PCDHGB6: variants seen among roughly 807,000 people sequenced by gnomAD.
PCDHGB6 encodes protocadherin gamma subfamily B, 6, also known as protocadherin gamma-B6.
Under a neutral mutation model 59.1 loss-of-function variants are expected in PCDHGB6, and 51 were observed. That is an observed-to-expected ratio of 0.86 (90% CI 0.69 to 1.09). The LOEUF (loss-of-function observed/expected upper bound fraction) is 1.09, where lower values mean the gene tolerates loss of function less well. Ranked by LOEUF, PCDHGB6 falls within the 50% of genes least tolerant of loss-of-function variation. PCDHGB6 has a pLI of 0.00. For missense variants in PCDHGB6, 1,148 were observed against 1,205.1 expected, an observed-to-expected ratio of 0.95 and a Z score of 0.70; for synonymous variants, 466 against 495.1, an observed-to-expected ratio of 0.94 and a Z score of 0.78.
Position 141,486,914 on chromosome 5 carries a change from C to T in PCDHGB6, c.2419-7893C>T, listed in dbSNP as rs1469857080. On this transcript the variant is annotated intron_variant, in intron 1 of 3. Coordinates refer to ENST00000520790, the MANE Select transcript of PCDHGB6 (RefSeq NM_018926.3). This position sits in a 1 kb window ranked among gnomAD's most constrained non-coding sequence, Gnocchi z 5.0. ...TGGTTCCTTATGTCCCCAAGCACTG[C>T]CTCCATCAGTTGGTGCTGGCCACCT... The T allele has an allele frequency of 6.2e-7, 1 of 1,614,236 alleles. No individual in the cohort carries two copies.
intron 1 of PCDHGB6, among the ~76,000 whole-genome samples, chr5:141,429,780 A>G (rs1301908729): frequency 1.3e-5 from 2 of 152,222 alleles, no homozygotes; most frequent in Non-Finnish European, 2.9e-5. Flanking sequence ...ATGGGCTTCC[A>G]AAAGTATTAC....
intron 1 of PCDHGB6, chr5:141,421,183 A>G (rs1286755310): frequency 2.7e-6 from 4 of 1,457,360 alleles, no homozygotes; most frequent in Admixed American, 4.8e-5. Flanking sequence ...CCGATTCACA[A>G]CCAACCAGCT....
chr5:141,497,060 G>A (rs1244885752), intron 2 of PCDHGB6, among the ~76,000 whole-genome samples: 1 of 151,952 alleles, frequency 6.6e-6, no homozygotes, highest in African/African-American at 2.4e-5. Context: ...GTGGTGGCAG[G>A]CACCTGTAAT....
intron 2 of PCDHGB6, among the ~76,000 whole-genome samples, chr5:141,500,775 T>C (rs1251282826): frequency 6.6e-6 from 1 of 152,218 alleles, no homozygotes; most frequent in Non-Finnish European, 1.5e-5. Context: ...CTTATGAATA[T>C]ACATATTATT....
Position 141,489,897 on chromosome 5 carries a change from C to G in PCDHGB6, c.2419-4910C>G. ...TGCTTACTGCTGTGGATGGGGGGAC[C>G]CCAGCCCGCTCAGGGACCACCCTTA... is the stretch of plus-strand genomic sequence containing the variant. On this transcript the variant is annotated intron_variant, in intron 1 of 3. Transcript: ENST00000520790. This position sits in a 1 kb window ranked among gnomAD's most constrained non-coding sequence, Gnocchi z 4.5. 1 of 1,614,162 alleles carries G rather than the reference C, an allele frequency of 6.2e-7. No individual in the cohort carries two copies. Among genetic ancestry groups the G allele is most frequent in the Non-Finnish European group, 8.5e-7 (1 of 1,180,016 alleles).
intron 1 of PCDHGB6, among the ~76,000 whole-genome samples, chr5:141,450,006 CTTTTT>C (rs1554136305): frequency 1.5e-5 from 2 of 132,980 alleles, no homozygotes; most frequent in African/African-American, 2.8e-5. Flanking sequence ...TGCCATGTCT[CTTTTT>C]TTTTTTTTTT....
intron 1 of PCDHGB6, chr5:141,441,550 G>C (rs2098254247): frequency 5.4e-6 from 1 of 184,034 alleles, no homozygotes; most frequent in Non-Finnish European, 1.1e-5. Context: ...AGCCTCCATA[G>C]TGTGCAAGTA....
chr5:141,409,404 A>T lies in PCDHGB6; in HGVS notation c.1202A>T (p.Tyr401Phe). Residue 401 changes from tyrosine (Y) to phenylalanine (F), a missense_variant, in exon 1 of 4, where the codon TAC becomes TTC. Tyr to Phe is a conservative substitution (Grantham distance 22). Transcript: ENST00000520790. ...AAGATTTATTCTTCTTCCAATAACTACTACAAACTGGTGACAGATGGAGCC... is the reference window on the plus strand; with the variant it reads ...AAGATTTATTCTTCTTCCAATAACTTCTACAAACTGGTGACAGATGGAGCC... Reference protein sequence around the residue: ...PFKIYSSSNNYYKLVTDGALD... With the variant: ...PFKIYSSSNNFYKLVTDGALD... The T allele has an allele frequency of 5.0e-6, 8 of 1,614,046 alleles. No individual in the cohort carries two copies. The highest frequency in any genetic ancestry group is 6.8e-6 in the Non-Finnish European group (8 of 1,179,900).
chr5:141,435,290 A>G (rs2097756551), intron 1 of PCDHGB6, among the ~76,000 whole-genome samples: 1 of 152,158 alleles, frequency 6.6e-6, no homozygotes, highest in African/African-American at 2.4e-5. Context: ...ATCCCAAGTC[A>G]TTTCATGGTT....
Position 141,493,876 on chromosome 5 carries a change from G to T in PCDHGB6, c.2419-931G>T, listed in dbSNP as rs2099750541. 6.6e-6 allele frequency among the ~76,000 whole-genome samples: 1 copy of T among 152,194 alleles called. No homozygotes were observed. ...CAGCCCACCCCAGAACCAGTGAGGA[G>T]GTGGCTCTAGGAGTGCTCCATGAGA... On this transcript the variant is annotated intron_variant, in intron 1 of 3. Transcript: ENST00000520790. The surrounding 1 kb of genome is among the most constrained non-coding windows in gnomAD (Gnocchi z 4.3).
In PCDHGB6 at chr5:141,511,224, G is replaced by T. The variant is rs752401867; in HGVS notation, c.*51G>T. On this transcript the variant is annotated 3_prime_UTR_variant, in exon 4 of 4. Coordinates refer to ENST00000520790, the MANE Select transcript of PCDHGB6 (RefSeq NM_018926.3). ...GGGCGGCCTCTCCCCAACCAGCCCA[G>T]CTTCTCCTTACCTGCACCCAGGCCT... is the stretch of plus-strand genomic sequence containing the variant. 44 of 1,603,158 alleles carry T rather than the reference G, an allele frequency of 2.7e-5. No individual in the cohort carries two copies. Among genetic ancestry groups the T allele is most frequent in the Non-Finnish European group, 3.6e-5 (42 of 1,174,924 alleles).
At chr5:141,458,728 T>A (rs1010109573) in intron 1 of PCDHGB6, among the ~76,000 whole-genome samples, 1 of 151,870 alleles carries the variant, frequency 6.6e-6, no homozygotes, top group Non-Finnish European at 1.5e-5. Context: ...CGCCACCACA[T>A]CCAGCTATTG....
At chr5:141,475,996 G>T (rs2099383729) in intron 1 of PCDHGB6, 4 of 1,181,402 alleles carry the variant, frequency 3.4e-6, no homozygotes, top group Non-Finnish European at 3.5e-6. Flanking sequence ...GCAAATCAAC[G>T]GCATCCAGAA....
intron 1 of PCDHGB6, chr5:141,415,748 T>A: frequency 9.9e-7 from 1 of 1,008,964 alleles, no homozygotes; most frequent in Non-Finnish European, 1.2e-6. Context: ...AGGTTTTTTT[T>A]TTTTTTTTTT....
chr5:141,408,121 T>C lies in PCDHGB6; in HGVS notation c.-82T>C. 6.8e-7 allele frequency: 1 copy of C among 1,475,406 alleles called. No homozygotes were observed. The highest frequency in any genetic ancestry group is 1.4e-5 in the South Asian group (1 of 71,822). 91.4% of individuals were successfully genotyped at this position (1,475,406 alleles called of 1,614,324 possible). On this transcript the variant is annotated 5_prime_UTR_variant, in exon 1 of 4. Coordinates refer to ENST00000520790, the MANE Select transcript of PCDHGB6 (RefSeq NM_018926.3). ...CCGAGACCCGGGACTCCTCCTGTCCTGGGCCGAATGCTCTTTTAGCGCGGT... is the reference window on the plus strand; with the variant it reads ...CCGAGACCCGGGACTCCTCCTGTCCCGGGCCGAATGCTCTTTTAGCGCGGT...
intron 1 of PCDHGB6, among the ~76,000 whole-genome samples, chr5:141,472,792 C>A (rs2099297177): frequency 6.6e-6 from 1 of 151,698 alleles, no homozygotes; most frequent in African/African-American, 2.4e-5. Context: ...TCAAGATCAG[C>A]CTGACCAACA....
intron 1 of PCDHGB6, among the ~76,000 whole-genome samples, chr5:141,474,405 GT>G (rs2099348889): frequency 6.6e-6 from 1 of 152,196 alleles, no homozygotes; most frequent in African/African-American, 2.4e-5. Flanking sequence ...AAGCTCCCCG[GT>G]GATGCCTAGA....
Position 141,485,804 on chromosome 5 carries a change from G to A in PCDHGB6, c.2419-9003G>A. 6.2e-7 allele frequency: 1 copy of A among 1,614,218 alleles called. No individual in the cohort carries two copies. On this transcript the variant is annotated intron_variant, in intron 1 of 3. Coordinates refer to ENST00000520790, the MANE Select transcript of PCDHGB6 (RefSeq NM_018926.3). This position sits in a 1 kb window ranked among gnomAD's most constrained non-coding sequence, Gnocchi z 5.7. The stretch of plus-strand genomic sequence containing the variant: ...AGAGAAGCAATCGGACTACCGCCTG[G>A]TGCTGACTGCTGTCGATGGAGGGAA...
chr5:141,428,331 G>A, intron 1 of PCDHGB6: 2 of 625,576 alleles, frequency 3.2e-6, no homozygotes, highest in East Asian at 2.9e-5. Context: ...TGATTTCTAT[G>A]CTCTTCTTCC....
Sources: allele counts gnomAD v4.1 joint callset (sites outside exome capture counted in the v4.1 genomes callset), GRCh38; gene constraint gnomAD v4.1.1; non-coding constraint Gnocchi (gnomAD v3.1); transcripts MANE v1.5; gene names NCBI Gene and HGNC (gene_info 2026-07-23, HGNC 2026-07-21).